Variants in CABIN1 observed in about 807,000 individuals in gnomAD.
The protein encoded by CABIN1 is calcineurin binding protein 1.
CABIN1 carries 133 observed loss-of-function variants against 227.7 expected under a neutral mutation model. That is an observed-to-expected ratio of 0.58 (90% CI 0.51 to 0.67). The LOEUF is 0.67. Ranked by LOEUF, CABIN1 falls within the 30% of genes least tolerant of loss-of-function variation. The probability of loss-of-function intolerance (pLI) is 0.00; values close to 1 mark genes in which losing one functional copy is unlikely to be tolerated. For missense variants in CABIN1, 2,408 were observed against 2,852.5 expected (o/e 0.84, Z 3.55); for synonymous variants, 1,086 against 1,155.1 (o/e 0.94, Z 1.21).
chr22:24,124,196 A>G (rs1018839314), intron 28 of CABIN1, among the ~76,000 whole-genome samples: 6 of 152,232 alleles, frequency 3.9e-5, no homozygotes, highest in Non-Finnish European at 2.9e-5. Flanking sequence ...GTGATATGAA[A>G]GCAGAATTAT....
At chr22:24,097,045 G>A (rs1273918857) in intron 25 of CABIN1, among the ~76,000 whole-genome samples, 2 of 152,230 alleles carry the variant, frequency 1.3e-5, no homozygotes, top group Non-Finnish European at 1.5e-5. Context: ...CAGGTTATGG[G>A]GAGGTTCACG....
intron 19 of CABIN1, among the ~76,000 whole-genome samples, chr22:24,080,533 A>G (rs1440839072): frequency 6.6e-6 from 1 of 152,210 alleles, no homozygotes. Flanking sequence ...AATGTGGTAT[A>G]TCTCTCTGTT....
intron 35 of CABIN1, among the ~76,000 whole-genome samples, chr22:24,176,490 G>GGCT (rs1257040872): frequency 6.6e-6 from 1 of 152,182 alleles, no homozygotes; most frequent in Non-Finnish European, 1.5e-5. Flanking sequence ...TTGTGTCAGG[G>GGCT]GCTGGGTAGA....
In CABIN1 at chr22:24,056,178, C is replaced by T. The variant is rs772466467; in HGVS notation, c.1094-14C>T. 1.9e-6 allele frequency: 3 copies of T among 1,612,638 alleles called. No individual in the cohort carries two copies. The South Asian group carries it at 3.3e-5, about 18-fold the overall frequency. ...TGCCACCGTGTAAGATTTTAATTTG[C>T]ATTCTTTGTGAAGGTGATATTTCTG... On this transcript the variant is annotated splice_polypyrimidine_tract_variant and intron_variant, in intron 9 of 36. Transcript: ENST00000263119.
At chr22:24,067,717 TG>T (rs2039791253) in intron 16 of CABIN1, among the ~76,000 whole-genome samples, 3 of 152,162 alleles carry the variant, frequency 2.0e-5, no homozygotes, top group Non-Finnish European at 4.4e-5. Flanking sequence ...AGCTGCTGGG[TG>T]CTGGGCAGTT....
intron 1 of CABIN1, among the ~76,000 whole-genome samples, chr22:24,021,478 T>A (rs774652642): frequency 5.3e-5 from 8 of 151,782 alleles, no homozygotes; most frequent in African/African-American, 1.2e-4. Flanking sequence ...TTTTAAAAAA[T>A]TATTTATTTA....
At chr22:24,166,593 G>A in intron 31 of CABIN1, 46 bp from the exon 32 acceptor site, 2 of 1,611,444 alleles carry the variant, frequency 1.2e-6, no homozygotes, top group South Asian at 1.1e-5. Context: ...ACTCATTGCA[G>A]TGGAGACACC....
rs199716373 is a variant in CABIN1 at position 24,178,221 on chromosome 22, C to T, written c.*25C>T. On this transcript the variant is annotated 3_prime_UTR_variant, in exon 37 of 37. Transcript: ENST00000263119. The stretch of plus-strand genomic sequence containing the variant: ...AGGGGCCACTGCAGCCCCACCGCCA[C>T]GCCCCAGGGGACCAGCCAGGCCTGG... The T allele has an allele frequency of 5.3e-5, 85 of 1,612,178 alleles. No individual in the cohort carries two copies. The highest frequency in any genetic ancestry group is 4.9e-4 in the East Asian group (22 of 44,866).
intron 36 of CABIN1, 32 bp from the exon 37 acceptor site, chr22:24,178,021 T>C: frequency 6.2e-7 from 1 of 1,612,404 alleles, no homozygotes; most frequent in East Asian, 2.2e-5. Flanking sequence ...CCAGCCATCC[T>C]TGACCAGTGC....
At chr22:24,030,574 A>G (rs1382517625) in intron 1 of CABIN1, among the ~76,000 whole-genome samples, 1 of 152,178 alleles carries the variant, frequency 6.6e-6, no homozygotes, top group Non-Finnish European at 1.5e-5. Context: ...CTTGAGTTTT[A>G]ACATAGAACA....
At chr22:24,029,415 G>C (rs556804327) in intron 1 of CABIN1, among the ~76,000 whole-genome samples, 12 of 152,130 alleles carry the variant, frequency 7.9e-5, no homozygotes, top group Non-Finnish European at 1.2e-4. Flanking sequence ...AGCCAGGCAT[G>C]GTGCCATGCA....
intron 3 of CABIN1, among the ~76,000 whole-genome samples, chr22:24,037,115 C>G (rs562544022): frequency 1.3e-5 from 2 of 152,098 alleles, no homozygotes; most frequent in South Asian, 4.2e-4. Context: ...TAAAAATTAG[C>G]TGGGCGTGGT....
At chr22:24,011,558 C>T (rs1376260039) in intron 1 of CABIN1, 191 bp downstream of exon 1, 1 of 152,284 alleles carries the variant, frequency 6.6e-6, no homozygotes, top group East Asian at 1.9e-4. Flanking sequence ...TCGCGAGCCT[C>T]TTCATGGCTC....
intron 26 of CABIN1, among the ~76,000 whole-genome samples, chr22:24,107,257 C>T (rs1183261468): frequency 6.6e-6 from 1 of 152,204 alleles, no homozygotes; most frequent in East Asian, 1.9e-4. Context: ...TTAGCAGAGC[C>T]TTCCTCAGGG....
At chr22:24,127,611 G>C (rs2043813943) in intron 28 of CABIN1, among the ~76,000 whole-genome samples, 1 of 152,188 alleles carries the variant, frequency 6.6e-6, no homozygotes, top group South Asian at 2.1e-4. Flanking sequence ...ATTCCACTTA[G>C]ATGAGGTATG....
intron 29 of CABIN1, among the ~76,000 whole-genome samples, chr22:24,150,737 G>A (rs544298065): frequency 1.6e-4 from 24 of 152,324 alleles, no homozygotes; most frequent in East Asian, 5.8e-4. Flanking sequence ...TTCTGGCTCC[G>A]CTGGTGGAAG....
chr22:24,163,070 A>T (rs928271076), intron 29 of CABIN1, among the ~76,000 whole-genome samples: 1 of 152,212 alleles, frequency 6.6e-6, no homozygotes, highest in African/African-American at 2.4e-5. Context: ...TGGTAGGAAG[A>T]TGCAGCATTG....
intron 29 of CABIN1, among the ~76,000 whole-genome samples, chr22:24,140,772 G>A (rs535709782): frequency 1.1e-4 from 16 of 152,326 alleles, no homozygotes; most frequent in African/African-American, 2.4e-4. Context: ...TTCTGAGGCC[G>A]TGTGGGGCAG....
intron 26 of CABIN1, among the ~76,000 whole-genome samples, chr22:24,104,279 G>A (rs1399233865): frequency 2.0e-5 from 3 of 152,152 alleles, no homozygotes; most frequent in East Asian, 3.8e-4. Context: ...GAACTGCTTC[G>A]CTTCTTCTGG....
Sources: allele counts gnomAD v4.1 joint callset (sites outside exome capture counted in the v4.1 genomes callset), GRCh38; gene constraint gnomAD v4.1.1; transcripts MANE v1.5; gene names NCBI Gene and HGNC (gene_info 2026-07-23, HGNC 2026-07-21).